ARHGEF28: variants seen among roughly 807,000 people sequenced by gnomAD.
ARHGEF28 encodes the protein 190 kDa guanine nucleotide exchange factor.
In ARHGEF28, 152 loss-of-function variants were observed where a neutral mutation model predicts 206.6. The ratio of observed to expected loss-of-function variants is 0.74; its 90% CI spans 0.64 to 0.84. The LOEUF (loss-of-function observed/expected upper bound fraction) is 0.84. Ranked by LOEUF, ARHGEF28 falls within the 40% of genes least tolerant of loss-of-function variation. ARHGEF28 has a pLI of 0.00. For synonymous variants in ARHGEF28, 763 were observed against 776.4 expected (o/e 0.98, Z 0.29); for missense variants, 2,028 against 2,073.2 (o/e 0.98, Z 0.42).
chr5:73,714,788 A>G (rs984617349), intron 2 of ARHGEF28, among the ~76,000 whole-genome samples: 4 of 152,154 alleles, frequency 2.6e-5, no homozygotes, highest in African/African-American at 9.7e-5. Context: ...TAGCACCCCA[A>G]CGGTCCCTTG....
intron 9 of ARHGEF28, among the ~76,000 whole-genome samples, chr5:73,804,694 T>C (rs1480702729): frequency 6.7e-6 from 1 of 150,078 alleles, no homozygotes; most frequent in Non-Finnish European, 1.5e-5. Flanking sequence ...TTAATTGGGT[T>C]TTTTCTGATT....
intron 2 of ARHGEF28, among the ~76,000 whole-genome samples, chr5:73,687,351 A>T (rs1457566439): frequency 6.7e-6 from 1 of 150,222 alleles, no homozygotes; most frequent in Non-Finnish European, 1.5e-5. Context: ...ATAAATAATG[A>T]TATCTTAGAT....
chr5:73,748,812 A>G (rs1468514537), intron 2 of ARHGEF28, among the ~76,000 whole-genome samples: 3 of 152,134 alleles, frequency 2.0e-5, no homozygotes, highest in Admixed American at 2.0e-4. Flanking sequence ...CTCTCTCTGG[A>G]GGCCCCACTT....
At chr5:73,855,369 A>C (rs1237281117) in intron 14 of ARHGEF28, among the ~76,000 whole-genome samples, 1 of 152,180 alleles carries the variant, frequency 6.6e-6, no homozygotes, top group African/African-American at 2.4e-5. Flanking sequence ...CATAATTAAT[A>C]ATATTTTTAA....
chr5:73,849,255 C>T (rs1758558756), intron 13 of ARHGEF28, 168 bp downstream of exon 13: 1 of 550,698 alleles, frequency 1.8e-6, no homozygotes. Flanking sequence ...TGGATAACAG[C>T]CAAATTTGAT....
intron 7 of ARHGEF28, among the ~76,000 whole-genome samples, chr5:73,789,430 C>T (rs1561405011): frequency 6.6e-6 from 1 of 151,938 alleles, no homozygotes; most frequent in African/African-American, 2.4e-5. Context: ...AAATGTGGAG[C>T]GATTGCTAAT....
intron 2 of ARHGEF28, among the ~76,000 whole-genome samples, chr5:73,713,693 T>G (rs1248746229): frequency 6.6e-6 from 1 of 152,190 alleles, no homozygotes; most frequent in Non-Finnish European, 1.5e-5. Context: ...GGTAGGCTAT[T>G]CTGAATACAT....
chr5:73,628,483 A>T (rs557093867), intron 1 of ARHGEF28, among the ~76,000 whole-genome samples: 19 of 42,648 alleles, frequency 4.5e-4, no homozygotes, highest in Non-Finnish European at 7.3e-4. Context: ...GGCTGACTAT[A>T]ATTTTATTAT....
chr5:73,927,281 G>A (rs1295707626), intron 35 of ARHGEF28, among the ~76,000 whole-genome samples: 3 of 152,146 alleles, frequency 2.0e-5, no homozygotes, highest in Non-Finnish European at 4.4e-5. Flanking sequence ...GGGGGCTGAG[G>A]CAGGAGGATC....
At chr5:73,734,699 T>C (rs911161549) in intron 2 of ARHGEF28, among the ~76,000 whole-genome samples, 1 of 152,218 alleles carries the variant, frequency 6.6e-6, no homozygotes, top group Non-Finnish European at 1.5e-5. Context: ...TCTAAACAGA[T>C]GGTAAGTAGC....
chr5:73,678,807 A>AGG (rs1554053454), intron 1 of ARHGEF28, among the ~76,000 whole-genome samples: 1 of 151,684 alleles, frequency 6.6e-6, no homozygotes, highest in African/African-American at 2.4e-5. Flanking sequence ...TAAAAAAAAA[A>AGG]GGGGGGGAGT....
intron 3 of ARHGEF28, 83 bp from the exon 4 acceptor site, chr5:73,752,826 A>C: frequency 1.3e-6 from 2 of 1,487,370 alleles, no homozygotes; most frequent in Non-Finnish European, 1.8e-6. Flanking sequence ...TGCTTAAGCT[A>C]TGTGGTGGGG....
At chr5:73,771,180 A>G (rs1753200407) in intron 4 of ARHGEF28, among the ~76,000 whole-genome samples, 1 of 152,202 alleles carries the variant, frequency 6.6e-6, no homozygotes, top group Non-Finnish European at 1.5e-5. Context: ...TTGGGAGGGG[A>G]AAGAAAATTA....
At chr5:73,903,312 G>A (rs975527509) in intron 31 of ARHGEF28, 1 of 152,124 alleles carries the variant, frequency 6.6e-6, no homozygotes, top group African/African-American at 2.4e-5. Context: ...GTGGGTGATC[G>A]ATATTTATTT....
At chr5:73,687,190 A>G (rs532740281) in intron 2 of ARHGEF28, among the ~76,000 whole-genome samples, 26 of 152,254 alleles carry the variant, frequency 1.7e-4, no homozygotes, top group Non-Finnish European at 3.4e-4. Context: ...TTACTATGTA[A>G]CTAGAAAGAC....
At position 73,704,300 on chromosome 5, in the gene ARHGEF28, T is replaced by G. The variant is rs1468820792; in HGVS notation, c.33+19416T>G. 3.3e-5 allele frequency among the ~76,000 whole-genome samples: 5 copies of G among 152,328 alleles called. No homozygotes were observed. The South Asian group carries it at 8.3e-4, about 25-fold the overall frequency. On this transcript the variant is annotated intron_variant, in intron 2 of 35. Coordinates refer to ENST00000513042, the MANE Select transcript of ARHGEF28 (RefSeq NM_001177693.2). ...CTGTTAGAAAGTAACTGCTTCAATC[T>G]TCTTATTTTCATAGGTTGTCACATG...
chr5:73,780,260 G>A (rs559367388), intron 6 of ARHGEF28: 115 of 164,254 alleles, frequency 7.0e-4, no homozygotes, highest in African/African-American at 2.7e-3. Context: ...TTGTGATCAC[G>A]GTCCTAGCCC....
intron 2 of ARHGEF28, among the ~76,000 whole-genome samples, chr5:73,718,334 C>T (rs1472600365): frequency 6.6e-6 from 1 of 152,180 alleles, no homozygotes; most frequent in Non-Finnish European, 1.5e-5. Flanking sequence ...AATGACTCTG[C>T]TCTAGGGATG....
At chr5:73,904,292 C>A (rs1390266143) in intron 32 of ARHGEF28, 32 bp downstream of exon 32, 1 of 1,613,298 alleles carries the variant, frequency 6.2e-7, no homozygotes, top group Non-Finnish European at 8.5e-7. Context: ...AAATGTATCA[C>A]CAGCCTTTAT....
Sources: gnomAD v4.1 joint callset for allele counts (sites outside exome capture counted in the v4.1 genomes callset) on GRCh38, gnomAD v4.1.1 for gene constraint, MANE v1.5 for transcripts, NCBI Gene and HGNC (gene_info 2026-07-23, HGNC 2026-07-21) for gene names.